SIL1: variants seen among roughly 807,000 people sequenced by gnomAD.
SIL1 encodes nucleotide exchange factor SIL1.
SIL1 carries 40 observed loss-of-function variants against 49.1 expected under a neutral mutation model. The ratio of observed to expected loss-of-function variants is 0.81; its 90% CI spans 0.63 to 1.06. SIL1 has a LOEUF of 1.06. SIL1 is among the 50% of genes least tolerant of loss of function. The pLI is 0.00. For synonymous variants in SIL1, 253 were observed against 250.8 expected (o/e 1.01, Z -0.08); for missense variants, 500 against 572.6 (o/e 0.87, Z 1.29).
intron 7 of SIL1, among the ~76,000 whole-genome samples, chr5:138,985,444 G>A (rs1198879833): frequency 6.6e-6 from 1 of 152,172 alleles, no homozygotes; most frequent in Non-Finnish European, 1.5e-5. Flanking sequence ...AGCTCAAAAT[G>A]GAAAAATGAA....
Position 138,947,026 on chromosome 5 carries a change from T to A in SIL1, c.*91A>T. 2 of 970,268 alleles carry A rather than the reference T, an allele frequency of 2.1e-6. No homozygotes were observed. Among genetic ancestry groups the A allele is most frequent in the Non-Finnish European group, 3.2e-6 (2 of 615,560 alleles). 60.1% of individuals were successfully genotyped at this position (970,268 alleles called of 1,614,324 possible). On this transcript the variant is annotated 3_prime_UTR_variant, in exon 10 of 10. Coordinates refer to ENST00000394817, the MANE Select transcript of SIL1 (RefSeq NM_022464.5). This position sits in a 1 kb window ranked among gnomAD's most constrained non-coding sequence, Gnocchi z 4.1. ...TTCCATTTAATGGCCAAGCCAGCAC[T>A]GCCAAGATGTCCTCCTGCCTGAGAA... is the stretch of plus-strand genomic sequence containing the variant.
chr5:139,077,223 T>A (rs540511708), intron 3 of SIL1, among the ~76,000 whole-genome samples: 1 of 152,340 alleles, frequency 6.6e-6, no homozygotes, highest in African/African-American at 2.4e-5. Context: ...CCACATTCAA[T>A]CTAAAAACAA....
In SIL1 at chr5:139,069,846, G is replaced by A. The variant is rs114944875; in HGVS notation, c.245-18800C>T. ...GCAAAGCCTACTGCCAGCAGAAGAT[G>A]AAGTACTCAAAGAAAGAAAATGTGA... On this transcript the variant is annotated intron_variant, in intron 3 of 9. Transcript: ENST00000394817. Among the ~76,000 whole-genome samples, 131 of 152,298 alleles carry A rather than the reference G, an allele frequency of 8.6e-4. 1 individual carries two copies. Among genetic ancestry groups the A allele is most frequent in the African/African-American group, 2.9e-3 (122 of 41,572 alleles).
Position 139,162,883 on chromosome 5 carries a change from G to A in SIL1, c.-10-35030C>T, listed in dbSNP as rs143600411. Among the ~76,000 whole-genome samples the A allele has an allele frequency of 6.8e-4, 104 of 152,018 alleles. 2 individuals are homozygous for A. The highest frequency in any genetic ancestry group is 2.3e-3 in the African/African-American group (97 of 41,450). ...GAAAAATATCAAGTGGTTAAGTTAT[G>A]GTGACTTAAGTAGTCACTTTATACC... On this transcript the variant is annotated intron_variant, in intron 1 of 9. Transcript: ENST00000394817.
At chr5:139,122,648 C>T (rs1750665219) in intron 2 of SIL1, among the ~76,000 whole-genome samples, 2 of 151,800 alleles carry the variant, frequency 1.3e-5, no homozygotes, top group African/African-American at 4.8e-5. Context: ...TGCCTGGGTC[C>T]CTCAATGTCT....
chr5:139,060,851 G>C (rs560265727), intron 3 of SIL1, among the ~76,000 whole-genome samples: 1 of 152,188 alleles, frequency 6.6e-6, no homozygotes, highest in African/African-American at 2.4e-5. Context: ...ACGTTAGGAA[G>C]GGGAAAATTA....
intron 1 of SIL1, among the ~76,000 whole-genome samples, chr5:139,189,253 A>G (rs1466394973): frequency 1.3e-5 from 2 of 152,186 alleles, no homozygotes; most frequent in African/African-American, 4.8e-5. Context: ...CTTCATCTGT[A>G]TTTACAGCTG....
intron 1 of SIL1, among the ~76,000 whole-genome samples, chr5:139,190,796 T>TA (rs947142045): frequency 2.0e-5 from 3 of 152,310 alleles, no homozygotes; most frequent in Admixed American, 2.0e-4. Flanking sequence ...TGCAAGGAAA[T>TA]AAAGATCTCT....
chr5:139,186,221 G>A (rs1287335527), intron 1 of SIL1, among the ~76,000 whole-genome samples: 1 of 152,168 alleles, frequency 6.6e-6, no homozygotes, highest in Non-Finnish European at 1.5e-5. Context: ...CAGAATATAA[G>A]GGAGGATAAA....
intron 5 of SIL1, among the ~76,000 whole-genome samples, chr5:139,040,498 C>CTTT (rs11312366): frequency 3.8e-5 from 4 of 105,328 alleles, no homozygotes; most frequent in African/African-American, 1.5e-4. Flanking sequence ...TTTCTTTTTT[C>CTTT]TTTTTTTTTT....
At chr5:139,153,541 C>T (rs1035104340) in intron 1 of SIL1, among the ~76,000 whole-genome samples, 1 of 152,140 alleles carries the variant, frequency 6.6e-6, no homozygotes, top group Non-Finnish European at 1.5e-5. Flanking sequence ...TCCTGGTTCA[C>T]CCCCTAAGCC....
chr5:139,038,426 T>C (rs143989088), intron 5 of SIL1, among the ~76,000 whole-genome samples: 1 of 152,312 alleles, frequency 6.6e-6, no homozygotes, highest in African/African-American at 2.4e-5. Flanking sequence ...CAGAGCATTG[T>C]AGTGCTATTC....
Position 139,127,835 on chromosome 5 carries a change from G to C in SIL1, c.9C>G (p.Pro3=), listed in dbSNP as rs369172475. 2.0e-5 allele frequency: 32 copies of C among 1,602,370 alleles called. No individual in the cohort carries two copies. Among genetic ancestry groups the C allele is most frequent in the Admixed American group, 6.9e-5 (4 of 58,310 alleles). MA[P]QSLPSSRMAP... ...CCATCCTAGATGAAGGCAGGCTCTG[G>C]GGAGCCATAGTCAGGGACCTGCAGG... is the stretch of plus-strand genomic sequence containing the variant. The change falls in exon 2 of 10, where the codon CCC becomes CCG. Residue 3 remains proline, a synonymous_variant. Transcript: ENST00000394817.
intron 3 of SIL1, among the ~76,000 whole-genome samples, chr5:139,091,362 G>A (rs1770339014): frequency 6.6e-6 from 1 of 151,574 alleles, no homozygotes; most frequent in Non-Finnish European, 1.5e-5. Flanking sequence ...AAAAAATAAG[G>A]AGAAAAAGAC....
chr5:139,190,635 C>T lies in SIL1; in HGVS notation c.-11+7634G>A, dbSNP rs375979206. Among the ~76,000 whole-genome samples the T allele has an allele frequency of 2.6e-4, 40 of 152,268 alleles. 1 individual carries two copies. In the East Asian group the frequency reaches 7.1e-3, roughly 27 times the overall value. ...AAAAAAGATCCTACCATTACGTGGC[C>T]CACTTCACTTCTCTGGGGCTCAGTT... On this transcript the variant is annotated intron_variant, in intron 1 of 9. Transcript: ENST00000394817.
chr5:138,947,440 C>G lies in SIL1; in HGVS notation c.1063G>C (p.Glu355Gln). The G allele has an allele frequency of 6.2e-7, 1 of 1,613,582 alleles. No individual in the cohort carries two copies. The highest frequency in any genetic ancestry group is 1.1e-5 in the South Asian group (1 of 91,084). Residue 355 changes from glutamate to glutamine, a missense_variant, in exon 10 of 10, where the codon GAG (glutamate) becomes CAG (glutamine). Coordinates refer to ENST00000394817, the MANE Select transcript of SIL1 (RefSeq NM_022464.5). This position sits in a 1 kb window ranked among gnomAD's most constrained non-coding sequence, Gnocchi z 4.1. ...FAEEEAELTQ[E>Q]MSPEKLQQYR... ...TGCTGCAGCTTCTCTGGGGACATCT[C>G]CTGGGTCAGCTCAGCCTCCTCCTCG...
At chr5:139,024,323 G>A (rs954192243) in intron 6 of SIL1, among the ~76,000 whole-genome samples, 1 of 152,208 alleles carries the variant, frequency 6.6e-6, no homozygotes, top group Non-Finnish European at 1.5e-5. Context: ...TGGAGAGTAA[G>A]ACTGGAAAGG....
chr5:138,955,781 C>T (rs543361190), intron 7 of SIL1, among the ~76,000 whole-genome samples: 18 of 152,342 alleles, frequency 1.2e-4, no homozygotes, highest in African/African-American at 3.8e-4. Context: ...AAGCCAAGCA[C>T]GGGCCCTTTT....
chr5:139,171,723 A>T (rs1453922906), intron 1 of SIL1, among the ~76,000 whole-genome samples: 1 of 147,780 alleles, frequency 6.8e-6, no homozygotes, highest in Admixed American at 6.6e-5. Context: ...GAAAAAAAAT[A>T]AAAAAGAAAA....
Sources: allele counts gnomAD v4.1 joint callset (sites outside exome capture counted in the v4.1 genomes callset), GRCh38; gene constraint gnomAD v4.1.1; non-coding constraint Gnocchi (gnomAD v3.1); transcripts MANE v1.5; gene names NCBI Gene and HGNC (gene_info 2026-07-23, HGNC 2026-07-21).